SGIP1: variants seen among roughly 807,000 people sequenced by gnomAD.
The protein encoded by SGIP1 is SH3-containing GRB2-like protein 3-interacting protein 1.
A neutral mutation model predicts 107.5 loss-of-function variants in SGIP1; 38 were observed. That is an observed-to-expected ratio of 0.35 (90% confidence interval 0.27 to 0.46). SGIP1 has a LOEUF of 0.46. Ranked by LOEUF, SGIP1 falls within the 20% of genes least tolerant of loss-of-function variation. The probability of loss-of-function intolerance (pLI) is 1.00; values close to 1 mark genes in which losing one functional copy is unlikely to be tolerated. For synonymous variants in SGIP1, 365 were observed against 366.1 expected (o/e 1.00, Z 0.03); for missense variants, 929 against 1,019.5 (o/e 0.91, Z 1.21).
intron 19 of SGIP1, among the ~76,000 whole-genome samples, chr1:66,722,826 T>A (rs912672600): frequency 1.3e-5 from 2 of 152,072 alleles, no homozygotes; most frequent in African/African-American, 4.8e-5. Context: ...TGTAGGGTAG[T>A]CTGCACCTGT....
chr1:66,706,569 G>C (rs1481437003), intron 18 of SGIP1, among the ~76,000 whole-genome samples: 2 of 150,290 alleles, frequency 1.3e-5, no homozygotes, highest in Non-Finnish European at 3.0e-5. Context: ...AAAAGAAAAA[G>C]GAAAAATGTA....
chr1:66,670,942 G>A lies in SGIP1; in HGVS notation c.484-53G>A, dbSNP rs1189418123. 3 of 837,354 alleles carry A rather than the reference G, an allele frequency of 3.6e-6. No homozygotes were observed. In the African/African-American group the frequency reaches 5.2e-5, roughly 15 times the overall value. The allele number at this position is 837,354 out of a possible 1,614,324, so 51.9% of individuals were successfully genotyped here. ...TGCAATGACAGAAATAATACATATT[G>A]TACATAACATATATGTGGTCTTAAA... On this transcript the variant is annotated intron_variant, in intron 9 of 24. Transcript: ENST00000371037.
At chr1:66,701,993 T>C (rs896475304) in intron 18 of SGIP1, among the ~76,000 whole-genome samples, 1 of 152,212 alleles carries the variant, frequency 6.6e-6, no homozygotes, top group African/African-American at 2.4e-5. Context: ...GGTGAAAATA[T>C]CATTTTGCTT....
At chr1:66,655,999 T>C (rs2079691272) in intron 7 of SGIP1, among the ~76,000 whole-genome samples, 1 of 152,232 alleles carries the variant, frequency 6.6e-6, no homozygotes, top group Non-Finnish European at 1.5e-5. Flanking sequence ...ATTGTACAGC[T>C]GTATGAAAAT....
chr1:66,705,469 T>C (rs2092410947), intron 18 of SGIP1, among the ~76,000 whole-genome samples: 1 of 152,228 alleles, frequency 6.6e-6, no homozygotes, highest in African/African-American at 2.4e-5. Context: ...CAATCATCAC[T>C]GTGGCAAATG....
rs560928737 is a variant in SGIP1, at chr1:66,688,811, G to C, written c.1316-337G>C. Among the ~76,000 whole-genome samples, 4 of 152,230 alleles carry C rather than the reference G, an allele frequency of 2.6e-5. No homozygotes were observed. In the South Asian group the frequency reaches 8.3e-4, roughly 32 times the overall value. Reference sequence around the variant, plus strand: ...CAAAATGCAAGAGAATTTATTATGTGTTTAATGTGTATGTGATGATAATGA... The same window carrying C: ...CAAAATGCAAGAGAATTTATTATGTCTTTAATGTGTATGTGATGATAATGA... On this transcript the variant is annotated intron_variant, in intron 15 of 24. Coordinates refer to ENST00000371037, the MANE Select transcript of SGIP1 (RefSeq NM_032291.4).
At position 66,694,514 on chromosome 1, in the gene SGIP1, T is replaced by C. The variant is rs567364876; in HGVS notation, c.1571-920T>C. The C allele has an allele frequency of 1.9e-5, 30 of 1,584,992 alleles. 1 individual carries two copies. In the Admixed American group the frequency reaches 2.2e-4, roughly 12 times the overall value. On this transcript the variant is annotated intron_variant, in intron 17 of 24. Transcript: ENST00000371037. ...TGTGAAACGCCTGCAGGTATGGTGC[T>C]AGCCAAGTGATCTCTAGAGACCTAG...
intron 2 of SGIP1, among the ~76,000 whole-genome samples, chr1:66,631,063 GA>G (rs1490167450): frequency 1.6e-5 from 2 of 128,392 alleles, no homozygotes; most frequent in Non-Finnish European, 3.4e-5. Context: ...AAGAAAGAAA[GA>G]AAGAAAGAAA....
intron 2 of SGIP1, 104 bp from the exon 3 acceptor site, chr1:66,632,966 G>A (rs1442399612): frequency 6.4e-6 from 5 of 781,468 alleles, no homozygotes; most frequent in Non-Finnish European, 1.1e-5. Context: ...TGGGAATGCT[G>A]GGGAAGGGGA....
intron 2 of SGIP1, among the ~76,000 whole-genome samples, chr1:66,627,367 T>A (rs1481382594): frequency 6.6e-6 from 1 of 152,132 alleles, no homozygotes; most frequent in African/African-American, 2.4e-5. Flanking sequence ...AGGCATTTAC[T>A]GACAAGACAA....
chr1:66,608,417 A>G (rs2067266780), intron 1 of SGIP1, among the ~76,000 whole-genome samples: 1 of 152,242 alleles, frequency 6.6e-6, no homozygotes, highest in Non-Finnish European at 1.5e-5. Context: ...TTAAGCAAAA[A>G]TAATTACACA....
At chr1:66,699,856 A>T (rs1426667453) in intron 18 of SGIP1, among the ~76,000 whole-genome samples, 1 of 152,220 alleles carries the variant, frequency 6.6e-6, no homozygotes, top group Non-Finnish European at 1.5e-5. Context: ...ATAGGAAAGG[A>T]GAATGGAGCA....
At chr1:66,687,354 T>C (rs2088640706) in intron 15 of SGIP1, among the ~76,000 whole-genome samples, 1 of 151,538 alleles carries the variant, frequency 6.6e-6, no homozygotes, top group Admixed American at 6.6e-5. Flanking sequence ...TTGATCCCTA[T>C]GCTGTTACTT....
At chr1:66,635,392 C>T (rs1399308970) in intron 3 of SGIP1, among the ~76,000 whole-genome samples, 1 of 152,218 alleles carries the variant, frequency 6.6e-6, no homozygotes, top group Non-Finnish European at 1.5e-5. Flanking sequence ...TCCAGTTTCC[C>T]TCCACACATA....
rs1210216556 is a variant in SGIP1 at position 66,689,161 on chromosome 1, T to G, written c.1329T>G (p.Pro443=). The G allele has an allele frequency of 6.2e-7, 1 of 1,613,364 alleles. No individual in the cohort carries two copies. Residue 443 remains proline (P), a synonymous_variant, in exon 16 of 25, where the codon CCT becomes CCG. Transcript: ENST00000371037. ...GPGTTSGASS[P]ARPATPLVPC... is the part of the protein sequence containing the mutation. Reference sequence around the variant, plus strand: ...TTTGTTTTTCAGGTGCATCATCCCCTGCTCGACCAGCCACTCCTTTGGTTC... The same window carrying G: ...TTTGTTTTTCAGGTGCATCATCCCCGGCTCGACCAGCCACTCCTTTGGTTC...
chr1:66,586,830 A>G (rs2062698250), intron 1 of SGIP1, among the ~76,000 whole-genome samples: 1 of 151,988 alleles, frequency 6.6e-6, no homozygotes, highest in Admixed American at 6.6e-5. Flanking sequence ...TTCTATTTAG[A>G]GCATCTCCTT....
At chr1:66,650,273 T>A (rs72669465) in intron 7 of SGIP1, among the ~76,000 whole-genome samples, 17,644 of 152,134 alleles carry the variant, frequency 0.12, 1,067 homozygotes, top group South Asian at 0.13. Flanking sequence ...TGAATACATA[T>A]GGTACTTCTT....
At chr1:66,643,520 T>A in intron 6 of SGIP1, 24 bp from the exon 7 acceptor site, 1 of 1,586,466 alleles carries the variant, frequency 6.3e-7, no homozygotes, top group East Asian at 2.3e-5. Flanking sequence ...AAGAAAGAGT[T>A]ATGTATCTTT....
chr1:66,720,153 T>G (rs1030170057), intron 19 of SGIP1, among the ~76,000 whole-genome samples: 3 of 152,192 alleles, frequency 2.0e-5, no homozygotes, highest in Admixed American at 6.5e-5. Flanking sequence ...AATTATATTG[T>G]GTATTTTATG....
Sources: allele counts gnomAD v4.1 joint callset (sites outside exome capture counted in the v4.1 genomes callset), GRCh38; gene constraint gnomAD v4.1.1; transcripts MANE v1.5; gene names NCBI Gene and HGNC (gene_info 2026-07-23, HGNC 2026-07-21).